FBN3: variants seen among roughly 807,000 people sequenced by gnomAD.
The protein encoded by FBN3 is fibrillin 3, also known as fibrillin-3.
Under a neutral mutation model 330.1 loss-of-function variants are expected in FBN3, and 234 were observed. The ratio of observed to expected loss-of-function variants is 0.71; its 90% CI spans 0.64 to 0.79. FBN3 has a LOEUF of 0.79. Ranked by LOEUF, FBN3 falls within the 30% of genes least tolerant of loss-of-function variation. FBN3 has a pLI of 0.00. For missense variants in FBN3, 3,606 were observed against 3,886.9 expected (o/e 0.93, Z 1.92); for synonymous variants, 1,458 against 1,517.3 (o/e 0.96, Z 0.91).
chr19:8,124,785 C>T lies in FBN3; in HGVS notation c.2732-777G>A, dbSNP rs570259283. Among the ~76,000 whole-genome samples, 127 of 152,268 alleles carry T rather than the reference C, an allele frequency of 8.3e-4. 1 individual carries two copies. The highest frequency in any genetic ancestry group is 6.8e-3 in the Middle Eastern group (2 of 294). On this transcript the variant is annotated intron_variant, in intron 22 of 63. Transcript: ENST00000600128. ...TCCTAACCTCAAGCAATCCACCTGC[C>T]TCGGCCTCCCAAAGTGCTGGCATTA...
intron 47 of FBN3, among the ~76,000 whole-genome samples, chr19:8,091,849 T>C (rs576875846): frequency 1.3e-5 from 2 of 152,174 alleles, no homozygotes; most frequent in Non-Finnish European, 2.9e-5. Context: ...CTGCACATAG[T>C]ACAACCTCTA....
chr19:8,143,995 G>T (rs560977396), intron 6 of FBN3, among the ~76,000 whole-genome samples: 4 of 149,480 alleles, frequency 2.7e-5, no homozygotes, highest in Non-Finnish European at 5.9e-5. Context: ...TTTTAGAGAG[G>T]GGGGGTGTCT....
chr19:8,143,979 T>A (rs1006846918), intron 6 of FBN3, among the ~76,000 whole-genome samples: 6 of 151,958 alleles, frequency 3.9e-5, no homozygotes, highest in Non-Finnish European at 8.8e-5. Flanking sequence ...GCTAATTTTT[T>A]ACTTTTTTTA....
chr19:8,066,401 T>A (rs2081391645), intron 63 of FBN3, 141 bp from the exon 64 acceptor site: 2 of 675,918 alleles, frequency 3.0e-6, no homozygotes. Flanking sequence ...AGGAATGAAA[T>A]CATGCCATTT....
intron 5 of FBN3, 34 bp downstream of exon 5, chr19:8,145,809 T>C (rs956469534): frequency 1.2e-5 from 18 of 1,476,168 alleles, no homozygotes; most frequent in Non-Finnish European, 1.5e-5. Flanking sequence ...CAGTCCCAGG[T>C]GTGCAAAGAG....
chr19:8,089,668 C>G lies in FBN3; in HGVS notation c.6253G>C (p.Val2085Leu). The change falls in exon 51 of 64, where the codon GTG (valine) becomes CTG (leucine). Residue 2085 changes from valine to leucine, a missense_variant and splice_region_variant. Transcript: ENST00000600128. ...VPGPDDSRED[V>L]NECAENPGVC... ...CCAGGGTTCTCTGCACACTCATTCA[C>G]GTCTGCGGATGGCAGGCGTTGCAGA... is the stretch of plus-strand genomic sequence containing the variant. 4 of 1,614,030 alleles carry G rather than the reference C, an allele frequency of 2.5e-6. No individual in the cohort carries two copies. Among genetic ancestry groups the G allele is most frequent in the Non-Finnish European group, 3.4e-6 (4 of 1,179,948 alleles).
intron 48 of FBN3, among the ~76,000 whole-genome samples, chr19:8,090,475 G>T (rs12982510): frequency 0.41 from 60,621 of 146,338 alleles, 12,792 homozygotes; most frequent in Middle Eastern, 0.49. Context: ...GTTGTTGTTG[G>T]TGGTGGTGGT....
At chr19:8,113,206 G>A (rs28438683) in intron 30 of FBN3, among the ~76,000 whole-genome samples, 6,197 of 152,228 alleles carry the variant, frequency 0.041, 384 homozygotes, top group African/African-American at 0.13. Flanking sequence ...TGGGAGGATC[G>A]CTTGAGGCAA....
At chr19:8,145,711 C>G in intron 5 of FBN3, 132 bp downstream of exon 5, 1 of 545,928 alleles carries the variant, frequency 1.8e-6, no homozygotes, top group Non-Finnish European at 3.2e-6. Flanking sequence ...GAGACTGTGG[C>G]AATAAACGTC....
chr19:8,085,873 G>T (rs1459455042), intron 55 of FBN3, among the ~76,000 whole-genome samples: 1 of 151,986 alleles, frequency 6.6e-6, no homozygotes, highest in African/African-American at 2.4e-5. Flanking sequence ...GGCAGCAGGG[G>T]AGCACTGGAC....
rs557671451 is a variant in FBN3, at chr19:8,143,497, C to CTTTTTTT, written c.542-1367_542-1361dup. ...CCGTTCTCCTTTTTTCTTTTCTTTT[C>CTTTTTTT]TTTTTTTTTTTTTTTTTGAGACAGG... On this transcript the variant is annotated intron_variant, in intron 6 of 63. Coordinates refer to ENST00000600128, the MANE Select transcript of FBN3 (RefSeq NM_032447.5). 2.1e-4 allele frequency among the ~76,000 whole-genome samples: 26 copies of CTTTTTTT among 126,072 alleles called. 2 individuals carry two copies. Among genetic ancestry groups the CTTTTTTT allele is most frequent in the African/African-American group, 3.4e-4 (11 of 31,900 alleles). 82.7% of individuals were successfully genotyped at this position (126,072 alleles called of 152,430 possible).
chr19:8,110,753 A>G, intron 34 of FBN3, 92 bp downstream of exon 34: 1 of 1,537,134 alleles, frequency 6.5e-7, no homozygotes, highest in Non-Finnish European at 8.9e-7. Flanking sequence ...GGATGCTTGA[A>G]AAGAGATCTG....
At chr19:8,079,885 C>T (rs1331850617) in intron 59 of FBN3, among the ~76,000 whole-genome samples, 1 of 152,168 alleles carries the variant, frequency 6.6e-6, no homozygotes, top group Non-Finnish European at 1.5e-5. Context: ...CTACCACACC[C>T]AACCACACCA....
At chr19:8,138,763 T>C (rs2083346743) in intron 8 of FBN3, among the ~76,000 whole-genome samples, 199 bp from the exon 9 acceptor site, 1 of 152,140 alleles carries the variant, frequency 6.6e-6, no homozygotes, top group African/African-American at 2.4e-5. Flanking sequence ...AAGTCTGACA[T>C]AGTCCAGATG....
chr19:8,106,038 G>A, intron 38 of FBN3, 70 bp downstream of exon 38: 1 of 1,585,824 alleles, frequency 6.3e-7, no homozygotes, highest in Non-Finnish European at 8.6e-7. Flanking sequence ...CCCTTGTGAG[G>A]CTTGGCAGGG....
chr19:8,116,804 G>A lies in FBN3; in HGVS notation c.3587-5C>T. 1.2e-6 allele frequency: 2 copies of A among 1,613,488 alleles called. No individual in the cohort carries two copies. Among genetic ancestry groups the A allele is most frequent in the East Asian group, 2.2e-5 (1 of 44,872 alleles). Reference sequence around the variant, plus strand: ...TCTCTTCACACTCGTCCACGTCTGGGGGAGCAGGGTTGGGGACTGTGCTTA... The same window carrying A: ...TCTCTTCACACTCGTCCACGTCTGGAGGAGCAGGGTTGGGGACTGTGCTTA... On this transcript the variant is annotated splice_region_variant and splice_polypyrimidine_tract_variant and intron_variant, in intron 28 of 63. Transcript: ENST00000600128.
chr19:8,083,374 T>G lies in FBN3; in HGVS notation c.7088-2A>C. 1 of 1,613,820 alleles carries G rather than the reference T, an allele frequency of 6.2e-7. No individual in the cohort carries two copies. ...CAAGCATACGGCATTCATCTACATC[T>G]GGGAAAAAGTAGGGTGCAAATGGGG... On this transcript the variant is annotated splice_acceptor_variant, in intron 56 of 63. Coordinates refer to ENST00000600128, the MANE Select transcript of FBN3 (RefSeq NM_032447.5). LOFTEE classifies it high-confidence loss of function.
intron 3 of FBN3, among the ~76,000 whole-genome samples, chr19:8,146,857 TAG>T (rs1455903827): frequency 7.7e-6 from 1 of 129,296 alleles, no homozygotes; most frequent in African/African-American, 3.4e-5. Context: ...CAGAGATGAA[TAG>T]AGAGAGGCAG....
At chr19:8,091,910 G>A (rs565344821) in intron 47 of FBN3, among the ~76,000 whole-genome samples, 131 of 152,274 alleles carry the variant, frequency 8.6e-4, no homozygotes, top group Non-Finnish European at 1.2e-3. Context: ...GGCCGGGCGC[G>A]GTGGCTCATG....
Sources: gnomAD v4.1 joint callset for allele counts (sites outside exome capture counted in the v4.1 genomes callset) on GRCh38, gnomAD v4.1.1 for gene constraint, MANE v1.5 for transcripts, NCBI Gene and HGNC (gene_info 2026-07-23, HGNC 2026-07-21) for gene names.